Variants in NAALADL2 observed in about 807,000 individuals in gnomAD.
NAALADL2 encodes N-acetylated alpha-linked acidic dipeptidase like 2, also known as inactive N-acetylated-alpha-linked acidic dipeptidase-like protein 2.
Under a neutral mutation model 87.2 loss-of-function variants are expected in NAALADL2, and 76 were observed. The ratio of observed to expected loss-of-function variants is 0.87; its 90% CI spans 0.72 to 1.05. The LOEUF (loss-of-function observed/expected upper bound fraction) is 1.05, where lower values mean the gene tolerates loss of function less well. Ranked by LOEUF, NAALADL2 falls within the 50% of genes least tolerant of loss-of-function variation. The pLI is 0.00. For missense variants in NAALADL2, 1,089 were observed against 945.8 expected (o/e 1.15, Z -1.99); for synonymous variants, 354 against 331.0 (o/e 1.07, Z -0.75).
chr3:175,528,585 C>T (rs903446414), intron 9 of NAALADL2, among the ~76,000 whole-genome samples: 2 of 152,120 alleles, frequency 1.3e-5, no homozygotes, highest in African/African-American at 4.8e-5. Context: ...CAAGTCCACC[C>T]CTTGTCAACT....
At position 174,849,933 on chromosome 3, in the gene NAALADL2, A is replaced by C. The variant is rs549570379; in HGVS notation, c.-9+112187A>C. Reference sequence around the variant, plus strand: ...CCTACTAAAGATATAAGTATTTTACACACAACAATTAAAGTGTTATAGGAT... The same window carrying C: ...CCTACTAAAGATATAAGTATTTTACCCACAACAATTAAAGTGTTATAGGAT... On this transcript the variant is annotated intron_variant, in intron 3 of 3. Coordinates refer to the NAALADL2 transcript ENST00000434257. 7.2e-5 allele frequency among the ~76,000 whole-genome samples: 11 copies of C among 152,182 alleles called. No homozygotes were observed. The South Asian group carries it at 2.3e-3, about 32-fold the overall frequency.
At chr3:175,046,522 C>G (rs1389115870) in intron 1 of NAALADL2, among the ~76,000 whole-genome samples, 1 of 152,154 alleles carries the variant, frequency 6.6e-6, no homozygotes, top group Non-Finnish European at 1.5e-5. Context: ...TCGAAGCCCT[C>G]TCCATGAGAG....
intron 2 of NAALADL2, among the ~76,000 whole-genome samples, chr3:175,181,906 A>G (rs1174111586): frequency 6.6e-6 from 1 of 151,272 alleles, no homozygotes; most frequent in Non-Finnish European, 1.5e-5. Context: ...TTTCATTTGG[A>G]TATATACCTA....
chr3:174,488,059 A>G (rs1717965897), intron 1 of NAALADL2, among the ~76,000 whole-genome samples: 1 of 152,064 alleles, frequency 6.6e-6, no homozygotes, highest in African/African-American at 2.4e-5. Flanking sequence ...GAGACGATAC[A>G]TTGGGAGAAG....
chr3:174,461,394 G>A (rs1038665730), intron 1 of NAALADL2, among the ~76,000 whole-genome samples: 3 of 152,014 alleles, frequency 2.0e-5, no homozygotes, highest in Non-Finnish European at 4.4e-5. Context: ...TTTCAATAAA[G>A]TTTATCAGTT....
At chr3:175,267,075 T>G (rs533366326) in intron 4 of NAALADL2, among the ~76,000 whole-genome samples, 4 of 151,646 alleles carry the variant, frequency 2.6e-5, no homozygotes, top group African/African-American at 9.7e-5. Context: ...TAAAATTCAA[T>G]TGGCCCTTCT....
intron 1 of NAALADL2, among the ~76,000 whole-genome samples, chr3:175,096,173 G>A (rs1315932823): frequency 6.6e-6 from 1 of 151,942 alleles, no homozygotes; most frequent in African/African-American, 2.4e-5. Context: ...TTAAAGTTGT[G>A]TAATCTTTTT....
intron 2 of NAALADL2, among the ~76,000 whole-genome samples, chr3:174,557,462 GTA>G (rs1269511403): frequency 6.6e-6 from 1 of 151,878 alleles, no homozygotes; most frequent in African/African-American, 2.4e-5. Flanking sequence ...AATATTTGAG[GTA>G]TCTTTTTAAA....
intron 3 of NAALADL2, among the ~76,000 whole-genome samples, chr3:174,848,337 ATTAG>A (rs1455318076): frequency 6.6e-6 from 1 of 152,148 alleles, no homozygotes; most frequent in Admixed American, 6.5e-5. Flanking sequence ...AACCTGCAAA[ATTAG>A]TTTTTTCCCC....
At chr3:175,588,750 G>C (rs180851533) in intron 10 of NAALADL2, among the ~76,000 whole-genome samples, 111 of 152,140 alleles carry the variant, frequency 7.3e-4, no homozygotes, top group Admixed American at 1.6e-3. Context: ...GTGTTAGCCA[G>C]GATGGTCTCG....
intron 2 of NAALADL2, among the ~76,000 whole-genome samples, chr3:175,118,748 T>C (rs972727323): frequency 2.6e-5 from 4 of 151,806 alleles, no homozygotes; most frequent in Non-Finnish European, 5.9e-5. Flanking sequence ...CAATCTCTGC[T>C]GTAACAATAT....
chr3:174,456,431 A>G (rs1472152029), intron 1 of NAALADL2, among the ~76,000 whole-genome samples: 1 of 151,204 alleles, frequency 6.6e-6, no homozygotes, highest in Non-Finnish European at 1.5e-5. Flanking sequence ...AAAAAAAAAA[A>G]AAAATCAGGA....
chr3:175,394,643 C>G (rs1246549460), intron 5 of NAALADL2, among the ~76,000 whole-genome samples: 1 of 152,140 alleles, frequency 6.6e-6, no homozygotes, highest in Non-Finnish European at 1.5e-5. Flanking sequence ...TTGATAACCT[C>G]CAGACATAGA....
chr3:175,361,941 C>G (rs1232969576), intron 5 of NAALADL2, among the ~76,000 whole-genome samples: 1 of 147,634 alleles, frequency 6.8e-6, no homozygotes, highest in African/African-American at 2.5e-5. Context: ...AAGTCCTTGC[C>G]CATGCCTATG....
At chr3:175,455,778 C>T (rs544254276) in intron 6 of NAALADL2, among the ~76,000 whole-genome samples, 9 of 152,136 alleles carry the variant, frequency 5.9e-5, no homozygotes, top group Non-Finnish European at 1.0e-4. Flanking sequence ...CAGACCACAG[C>T]ATCTCAATCA....
At position 174,499,149 on chromosome 3, in the gene NAALADL2, T is replaced by C. The variant is rs141118381; in HGVS notation, c.-183-51420T>C. Among the ~76,000 whole-genome samples the C allele has an allele frequency of 3.5e-4, 54 of 152,220 alleles. No individual in the cohort carries two copies. The East Asian group carries it at 0.01, about 29-fold the overall frequency. ...TAGGATTTGGTACTATTTGTGGTTT[T>C]AGGCATTCACTGAGGATCTTGGAAC... is the stretch of plus-strand genomic sequence containing the variant. On this transcript the variant is annotated intron_variant, in intron 1 of 3. Coordinates refer to the NAALADL2 transcript ENST00000434257.
At chr3:174,632,623 A>C (rs1200337519) in intron 2 of NAALADL2, among the ~76,000 whole-genome samples, 1 of 152,062 alleles carries the variant, frequency 6.6e-6, no homozygotes, top group South Asian at 2.1e-4. Flanking sequence ...ATAACATTTA[A>C]TGCTGACACC....
chr3:174,860,235 A>G (rs915561959), intron 1 of NAALADL2, among the ~76,000 whole-genome samples: 1 of 152,132 alleles, frequency 6.6e-6, no homozygotes, highest in Non-Finnish European at 1.5e-5. Context: ...TATATCACCT[A>G]TTTTATAGTT....
chr3:174,546,363 T>C lies in NAALADL2; in HGVS notation c.-183-4206T>C, dbSNP rs529396159. On this transcript the variant is annotated intron_variant, in intron 1 of 3. Transcript: ENST00000434257. ...TCTAGGACATGTACCTCTGCTCTTT[T>C]GTTTGGAGGAGGTGAGAAGAGGGAC... Among the ~76,000 whole-genome samples the C allele has an allele frequency of 5.9e-5, 9 of 152,282 alleles. No homozygotes were observed. The East Asian group carries it at 1.7e-3, about 29-fold the overall frequency.
Sources: gnomAD v4.1 joint callset for allele counts (sites outside exome capture counted in the v4.1 genomes callset) on GRCh38, gnomAD v4.1.1 for gene constraint, MANE v1.5 for transcripts, NCBI Gene and HGNC (gene_info 2026-07-23, HGNC 2026-07-21) for gene names.